MAP4: variants seen among roughly 807,000 people sequenced by gnomAD.
The protein encoded by MAP4 is microtubule associated protein 4, also known as microtubule-associated protein 4.
MAP4 carries 76 observed loss-of-function variants against 170.2 expected under a neutral mutation model. That is an observed-to-expected ratio of 0.45 (90% CI 0.37 to 0.54). The LOEUF (loss-of-function observed/expected upper bound fraction) is 0.54. Among genes scored for constraint, MAP4 ranks in the 20% least tolerant of loss-of-function variants. The pLI is 0.00. For synonymous variants in MAP4, 909 were observed against 994.5 expected (o/e 0.91, Z 1.62); for missense variants, 2,506 against 2,748.0 (o/e 0.91, Z 1.97).
At chr3:47,984,912 T>C (rs2100087665) in intron 2 of MAP4, among the ~76,000 whole-genome samples, 1 of 151,398 alleles carries the variant, frequency 6.6e-6, no homozygotes, top group Admixed American at 6.6e-5. Flanking sequence ...GAGGTTGCAG[T>C]GAGCCGAGAT....
intron 1 of MAP4, among the ~76,000 whole-genome samples, chr3:48,059,531 A>G (rs931054286): frequency 6.6e-6 from 1 of 151,264 alleles, no homozygotes; most frequent in Non-Finnish European, 1.5e-5. Flanking sequence ...AAAAAAAAAA[A>G]AAAAAAAAAG....
chr3:47,991,667 T>G (rs919572148), intron 2 of MAP4, among the ~76,000 whole-genome samples: 19 of 152,080 alleles, frequency 1.2e-4, no homozygotes, highest in African/African-American at 3.6e-4. Flanking sequence ...AATCTGTCTT[T>G]TCTTTTTTTT....
chr3:47,920,636 C>A (rs1167967257), intron 5 of MAP4, among the ~76,000 whole-genome samples: 1 of 151,230 alleles, frequency 6.6e-6, no homozygotes, highest in Non-Finnish European at 1.5e-5. Flanking sequence ...AATGCAGCCT[C>A]GACCTTCTGG....
chr3:47,930,320 C>T (rs1216547783), intron 3 of MAP4, among the ~76,000 whole-genome samples: 1 of 151,300 alleles, frequency 6.6e-6, no homozygotes, highest in African/African-American at 2.4e-5. Context: ...TGGCGGGCGC[C>T]TGTAGTCCCA....
intron 10 of MAP4, 134 bp from the exon 11 acceptor site, chr3:47,877,657 G>T: frequency 1.7e-6 from 1 of 581,784 alleles, no homozygotes; most frequent in Non-Finnish European, 3.0e-6. Context: ...TTGTGCTGCT[G>T]AAATGTGGAC....
At chr3:48,006,175 A>G (rs1296467937) in intron 1 of MAP4, among the ~76,000 whole-genome samples, 2 of 152,220 alleles carry the variant, frequency 1.3e-5, no homozygotes, top group Admixed American at 6.5e-5. Flanking sequence ...ATCCATTTCC[A>G]GACTTCAGCC....
chr3:48,085,872 G>A (rs1447252411), intron 1 of MAP4, among the ~76,000 whole-genome samples: 1 of 151,918 alleles, frequency 6.6e-6, no homozygotes, highest in Admixed American at 6.6e-5. Context: ...CTAACACAGT[G>A]AAACCCTGTC....
chr3:47,947,623 G>A (rs2100060957), intron 3 of MAP4, among the ~76,000 whole-genome samples: 4 of 151,702 alleles, frequency 2.6e-5, no homozygotes. Flanking sequence ...GACCAGCCTG[G>A]GCACAATGAA....
upstream of MAP4, among the ~76,000 whole-genome samples, chr3:48,019,077 C>T (rs1257529103): frequency 6.6e-6 from 1 of 152,208 alleles, no homozygotes; most frequent in Non-Finnish European, 1.5e-5. Context: ...GTGACTCACA[C>T]CTGTAATCCC....
At position 47,853,574 on chromosome 3, in the gene MAP4, G is replaced by A. The variant is rs984604753; in HGVS notation, c.6697-222C>T. On this transcript the variant is annotated intron_variant, in intron 19 of 20. Coordinates refer to ENST00000683076, the MANE Select transcript of MAP4 (RefSeq NM_001385682.1). ...GAGGGTCAGGAGCAGCTGGACCAGT[G>A]ACACACTCTCAGAGCCCCTCTGTGG... 2.0e-4 allele frequency among the ~76,000 whole-genome samples: 30 copies of A among 151,628 alleles called. No individual in the cohort carries two copies. In the South Asian group the frequency reaches 3.1e-3, roughly 16 times the overall value.
intron 5 of MAP4, among the ~76,000 whole-genome samples, chr3:47,919,072 C>T (rs553901843): frequency 6.6e-6 from 1 of 151,856 alleles, no homozygotes; most frequent in South Asian, 2.1e-4. Flanking sequence ...GCTGGGACTA[C>T]AGGCGCCTGC....
At chr3:47,892,652 T>G (rs2100024639) in intron 10 of MAP4, 1 of 1,383,766 alleles carries the variant, frequency 7.2e-7, no homozygotes, top group Non-Finnish European at 9.3e-7. Context: ...GAGTATTAAA[T>G]GCACTTACAA....
chr3:47,922,850 C>T (rs980378389), intron 4 of MAP4, among the ~76,000 whole-genome samples: 1 of 152,098 alleles, frequency 6.6e-6, no homozygotes, highest in East Asian at 1.9e-4. Flanking sequence ...GAGATTGAGA[C>T]CATCCTGGCT....
intron 10 of MAP4, among the ~76,000 whole-genome samples, chr3:47,884,071 C>G (rs980193348): frequency 6.6e-6 from 1 of 152,116 alleles, no homozygotes; most frequent in African/African-American, 2.4e-5. Context: ...TTTCTTTGAA[C>G]AGTTGTTCAG....
At chr3:47,889,270 A>G (rs369187430) in intron 10 of MAP4, among the ~76,000 whole-genome samples, 96 of 152,338 alleles carry the variant, frequency 6.3e-4, no homozygotes, top group African/African-American at 2.2e-3. Flanking sequence ...TTTACCTAAC[A>G]TGAGCTGTCT....
chr3:47,943,134 T>A (rs2100057561), intron 3 of MAP4, among the ~76,000 whole-genome samples: 1 of 152,024 alleles, frequency 6.6e-6, no homozygotes, highest in South Asian at 2.1e-4. Flanking sequence ...AAAAAAACTT[T>A]CAAAATAAAA....
At chr3:47,936,908 A>G (rs2100053246) in intron 3 of MAP4, among the ~76,000 whole-genome samples, 1 of 147,568 alleles carries the variant, frequency 6.8e-6, no homozygotes, top group Non-Finnish European at 1.5e-5. Context: ...TGAACCCGGG[A>G]GGTGGAGGTT....
At chr3:48,004,090 TC>T (rs2154398262) in intron 1 of MAP4, among the ~76,000 whole-genome samples, 1 of 152,268 alleles carries the variant, frequency 6.6e-6, no homozygotes, top group Admixed American at 6.5e-5. Flanking sequence ...TACATATATA[TC>T]CTATTAGTTC....
At chr3:47,945,318 T>C (rs770337329) in intron 3 of MAP4, among the ~76,000 whole-genome samples, 4 of 152,040 alleles carry the variant, frequency 2.6e-5, no homozygotes, top group Non-Finnish European at 5.9e-5. Context: ...CATAAATGTA[T>C]GTCATGAGAA....
Sources: gnomAD v4.1 joint callset for allele counts (sites outside exome capture counted in the v4.1 genomes callset) on GRCh38, gnomAD v4.1.1 for gene constraint, MANE v1.5 for transcripts, NCBI Gene and HGNC (gene_info 2026-07-23, HGNC 2026-07-21) for gene names.